Variants in PKN2 observed in about 807,000 individuals in gnomAD.
The protein encoded by PKN2 is protein kinase N2, also known as serine/threonine-protein kinase N2.
A neutral mutation model predicts 119.1 loss-of-function variants in PKN2; 38 were observed. The ratio of observed to expected loss-of-function variants is 0.32; its 90% CI spans 0.25 to 0.42. The LOEUF (loss-of-function observed/expected upper bound fraction) is 0.42, where lower values mean the gene tolerates loss of function less well. Among genes scored for constraint, PKN2 ranks in the 10% least tolerant of loss-of-function variants. PKN2 has a pLI of 1.00. For missense variants in PKN2, 850 were observed against 1,165.1 expected (o/e 0.73, Z 3.94); for synonymous variants, 390 against 384.9 (o/e 1.01, Z -0.15).
chr1:88,716,615 C>A (rs192881658), intron 1 of PKN2, among the ~76,000 whole-genome samples: 2 of 152,112 alleles, frequency 1.3e-5, no homozygotes, highest in Non-Finnish European at 2.9e-5. Flanking sequence ...AGGACTGCAA[C>A]CCCTGCTTTT....
intron 16 of PKN2, among the ~76,000 whole-genome samples, chr1:88,814,856 A>G (rs531882517): frequency 1.1e-4 from 16 of 152,338 alleles, no homozygotes; most frequent in African/African-American, 3.6e-4. Flanking sequence ...TTCCACATCT[A>G]TAATCTGATG....
At chr1:88,686,773 G>A (rs1376317661) in intron 1 of PKN2, among the ~76,000 whole-genome samples, 1 of 151,848 alleles carries the variant, frequency 6.6e-6, no homozygotes, top group Non-Finnish European at 1.5e-5. Context: ...TATTTCATTG[G>A]GTCCTGAAAC....
chr1:88,748,991 A>G (rs1011171631), intron 2 of PKN2, among the ~76,000 whole-genome samples: 2 of 152,150 alleles, frequency 1.3e-5, no homozygotes, highest in African/African-American at 4.8e-5. Context: ...CATTCCCACT[A>G]TCAGTGAATG....
chr1:88,770,577 C>CA, intron 4 of PKN2, 108 bp downstream of exon 4: 1 of 455,420 alleles, frequency 2.2e-6, no homozygotes, highest in Non-Finnish European at 4.0e-6. Context: ...ATTACTATTA[C>CA]TTTTTTTTTT....
intron 2 of PKN2, among the ~76,000 whole-genome samples, chr1:88,751,039 T>G (rs1052322749): frequency 1.3e-5 from 2 of 152,198 alleles, no homozygotes; most frequent in African/African-American, 2.4e-5. Context: ...ACAGTACAAA[T>G]TTGTAGCATG....
intron 1 of PKN2, among the ~76,000 whole-genome samples, chr1:88,726,506 A>G (rs935545321): frequency 2.6e-5 from 4 of 152,116 alleles, no homozygotes; most frequent in African/African-American, 9.7e-5. Context: ...AACCAGTCCT[A>G]TATACTTGGA....
chr1:88,728,938 A>G (rs1668013134), intron 1 of PKN2, among the ~76,000 whole-genome samples: 1 of 139,924 alleles, frequency 7.1e-6, no homozygotes, highest in Admixed American at 7.4e-5. Flanking sequence ...TCTTGTGCCC[A>G]GGCTGGAGTG....
At chr1:88,742,839 A>G (rs1668628140) in intron 2 of PKN2, among the ~76,000 whole-genome samples, 1 of 152,138 alleles carries the variant, frequency 6.6e-6, no homozygotes, top group Non-Finnish European at 1.5e-5. Flanking sequence ...GCTGGGATAT[A>G]GAAGAGTTTT....
At chr1:88,807,834 T>C (rs1316240365) in intron 15 of PKN2, 59 bp downstream of exon 15, 1 of 959,590 alleles carries the variant, frequency 1.0e-6, no homozygotes, top group African/African-American at 1.6e-5. Context: ...AGAGAAATGA[T>C]ATATGTATTA....
chr1:88,706,033 A>G (rs1424041416), intron 1 of PKN2, among the ~76,000 whole-genome samples: 2 of 117,404 alleles, frequency 1.7e-5, no homozygotes, highest in African/African-American at 2.8e-5. Flanking sequence ...GAAAAAGTCT[A>G]TACGGATTTT....
Position 88,805,897 on chromosome 1 carries a change from T to C in PKN2, c.1683T>C (p.Ser561=). 1 of 1,614,082 alleles carries C rather than the reference T, an allele frequency of 6.2e-7. No homozygotes were observed. The highest frequency in any genetic ancestry group is 8.5e-7 in the Non-Finnish European group (1 of 1,179,950). The part of the protein sequence containing the change: ...IPQLAPPASD[S]TVTKLDFDLE... ...TTACTTTATCTTCTATAAGTGATTC[T>C]ACAGTAACCAAATTGGACTTTGATC... The change falls in exon 12 of 22, where the codon TCT becomes TCC. Residue 561 remains serine (S), a synonymous_variant. Transcript: ENST00000370521.
rs142823656 is a variant in PKN2 at position 88,830,800 on chromosome 1, T to G, written c.2563-1944T>G. Among the ~76,000 whole-genome samples, 97 of 152,230 alleles carry G rather than the reference T, an allele frequency of 6.4e-4. 1 individual carries two copies. The East Asian group carries it at 0.017, about 26-fold the overall frequency. ...TCACAGTTGTTTCTTGCAATTTCTC[T>G]TTAGTATCTCCACAAGAGGGTAGCT... is the stretch of plus-strand genomic sequence containing the variant. On this transcript the variant is annotated intron_variant, in intron 19 of 21. Coordinates refer to ENST00000370521, the MANE Select transcript of PKN2 (RefSeq NM_006256.4).
At position 88,744,757 on chromosome 1, in the gene PKN2, C is replaced by G. The variant is rs865910057; in HGVS notation, c.349+3469C>G. Among the ~76,000 whole-genome samples the G allele has an allele frequency of 2.0e-5, 3 of 152,342 alleles. No individual in the cohort carries two copies. The Middle Eastern group carries it at 0.01, about 518-fold the overall frequency. On this transcript the variant is annotated intron_variant, in intron 2 of 21. Transcript: ENST00000370521. ...CTTAATTCACCTCTGTAATAATAAT[C>G]TCTGAATCTTCAGTTTCTTGTTTGT... is the stretch of plus-strand genomic sequence containing the variant.
At chr1:88,706,737 CCTT>C (rs1326538828) in intron 1 of PKN2, among the ~76,000 whole-genome samples, 2 of 151,942 alleles carry the variant, frequency 1.3e-5, no homozygotes, top group African/African-American at 4.8e-5. Context: ...TAATGGTTTT[CCTT>C]CTTTTTTTAG....
intron 19 of PKN2, chr1:88,829,344 C>T (rs1426372171): frequency 1.8e-5 from 9 of 503,164 alleles, no homozygotes; most frequent in South Asian, 1.1e-4. Flanking sequence ...ACAGCTCCAC[C>T]GAGATTCCTG....
rs529083985 is a variant in PKN2 at position 88,746,696 on chromosome 1, G to T, written c.349+5408G>T. ...GTATGGCCACTTTGGAAGACAGTGT[G>T]GAGGTTCCTGAGAAAACTAAAAATA... On this transcript the variant is annotated intron_variant, in intron 2 of 21. Coordinates refer to ENST00000370521, the MANE Select transcript of PKN2 (RefSeq NM_006256.4). Among the ~76,000 whole-genome samples the T allele has an allele frequency of 2.6e-5, 4 of 152,216 alleles. No homozygotes were observed. In the East Asian group the frequency reaches 7.7e-4, roughly 29 times the overall value.
intron 8 of PKN2, among the ~76,000 whole-genome samples, chr1:88,788,182 G>T (rs1170375559): frequency 1.3e-5 from 2 of 152,048 alleles, no homozygotes; most frequent in African/African-American, 2.4e-5. Flanking sequence ...AGAGTTGTAG[G>T]ATAATTCTAG....
At chr1:88,723,243 A>G (rs1221994141) in intron 1 of PKN2, among the ~76,000 whole-genome samples, 1 of 151,186 alleles carries the variant, frequency 6.6e-6, no homozygotes, top group Non-Finnish European at 1.5e-5. Flanking sequence ...CCTCATGAGT[A>G]GCTGGGATAA....
At chr1:88,728,748 A>T (rs550538718) in intron 1 of PKN2, among the ~76,000 whole-genome samples, 1 of 152,302 alleles carries the variant, frequency 6.6e-6, no homozygotes, top group Admixed American at 6.5e-5. Flanking sequence ...ACAGATAATC[A>T]ACGGGAGGAG....
Sources: allele counts gnomAD v4.1 joint callset (sites outside exome capture counted in the v4.1 genomes callset), GRCh38; gene constraint gnomAD v4.1.1; transcripts MANE v1.5; gene names NCBI Gene and HGNC (gene_info 2026-07-23, HGNC 2026-07-21).